The following ZFYVE28 variants were observed in gnomAD, a reference collection of about 807,000 sequenced individuals.
ZFYVE28 encodes the protein lateral signaling target protein 2 homolog.
A neutral mutation model predicts 82.1 loss-of-function variants in ZFYVE28; 40 were observed. The observed-to-expected ratio is 0.49, with a 90% CI of 0.38 to 0.63. The LOEUF (loss-of-function observed/expected upper bound fraction) is 0.63. ZFYVE28 is among the 30% of genes least tolerant of loss of function. The probability of loss-of-function intolerance (pLI) is 0.00; values close to 1 mark genes in which losing one functional copy is unlikely to be tolerated. For synonymous variants in ZFYVE28, 612 were observed against 546.1 expected (o/e 1.12, Z -1.68); for missense variants, 1,321 against 1,242.1 (o/e 1.06, Z -0.96).
At position 2,361,547 on chromosome 4, in the gene ZFYVE28, C is replaced by T. The variant is rs534144940; in HGVS notation, c.40-7474G>A. On this transcript the variant is annotated intron_variant, in intron 1 of 12. Coordinates refer to ENST00000290974, the MANE Select transcript of ZFYVE28 (RefSeq NM_020972.3). ...GCACTACCCCACCCACTGGGGCAGG[C>T]CCCAGCCACCTTGAGGCCCAGGAGG... Among the ~76,000 whole-genome samples the T allele has an allele frequency of 3.3e-5, 5 of 152,340 alleles. No individual in the cohort carries two copies. The East Asian group carries it at 9.7e-4, about 29-fold the overall frequency.
Position 2,372,170 on chromosome 4 carries a change from C to A in ZFYVE28, c.40-18097G>T, listed in dbSNP as rs1281975504. Among the ~76,000 whole-genome samples, 1 of 152,102 alleles carries A rather than the reference C, an allele frequency of 6.6e-6. No individual in the cohort carries two copies. Among genetic ancestry groups the A allele is most frequent in the Non-Finnish European group, 1.5e-5 (1 of 68,018 alleles). On this transcript the variant is annotated intron_variant, in intron 1 of 12. Coordinates refer to ENST00000290974, the MANE Select transcript of ZFYVE28 (RefSeq NM_020972.3). This position sits in a 1 kb window ranked among gnomAD's most constrained non-coding sequence, Gnocchi z 5.2. ...AGGGCAAATGTTTTGTTTGCTGTTA[C>A]CTATTCCCGTGACCAACAGGACCCA... is the stretch of plus-strand genomic sequence containing the variant.
At chr4:2,308,681 A>G (rs928222914) in intron 7 of ZFYVE28, among the ~76,000 whole-genome samples, 424 of 59,800 alleles carry the variant, frequency 7.1e-3, no homozygotes, top group African/African-American at 0.028. Flanking sequence ...AAGAAAGAGA[A>G]AGAAAGAAAA....
intron 8 of ZFYVE28, among the ~76,000 whole-genome samples, chr4:2,299,509 C>T (rs902178454): frequency 4.8e-5 from 7 of 146,228 alleles, no homozygotes; most frequent in Non-Finnish European, 1.0e-4. Context: ...ATCTCAGCAC[C>T]TTGGGAGGCT....
Position 2,362,361 on chromosome 4 carries a change from GAC to G in ZFYVE28, c.40-8290_40-8289del, listed in dbSNP as rs1726278759. On this transcript the variant is annotated intron_variant, in intron 1 of 12. Transcript: ENST00000290974. The surrounding 1 kb of genome is among the most constrained non-coding windows in gnomAD (Gnocchi z 5.1). ...AAGCCAGGGAAGAGCCTCTGCCTGG[GAC>G]ACACAAATGCGGCCCCACAGCTGTG... Among the ~76,000 whole-genome samples, 1 of 152,064 alleles carries G rather than the reference GAC, an allele frequency of 6.6e-6. No individual in the cohort carries two copies. Among genetic ancestry groups the G allele is most frequent in the African/African-American group, 2.4e-5 (1 of 41,386 alleles).
At chr4:2,364,175 G>C (rs1258326779) in intron 1 of ZFYVE28, among the ~76,000 whole-genome samples, 2 of 152,204 alleles carry the variant, frequency 1.3e-5, no homozygotes, top group Admixed American at 1.3e-4. Flanking sequence ...ACGCCAGCTG[G>C]GAAGGTGTTG....
rs1722473607 is a variant in ZFYVE28 at position 2,339,771 on chromosome 4, A to C, written c.319-116T>G. Reference sequence around the variant, plus strand: ...GGCCCCTCTTCTCACCCCACAGCACAGGCCAGCTCGTGTTCCCGGTCCCCG... The same window carrying C: ...GGCCCCTCTTCTCACCCCACAGCACCGGCCAGCTCGTGTTCCCGGTCCCCG... On this transcript the variant is annotated intron_variant, in intron 3 of 12. Coordinates refer to ENST00000290974, the MANE Select transcript of ZFYVE28 (RefSeq NM_020972.3). The surrounding 1 kb of genome is among the most constrained non-coding windows in gnomAD (Gnocchi z 5.0). 1.1e-6 allele frequency: 1 copy of C among 891,968 alleles called. No individual in the cohort carries two copies. Among genetic ancestry groups the C allele is most frequent in the Non-Finnish European group, 1.7e-6 (1 of 601,200 alleles). 55.3% of individuals were successfully genotyped at this position (891,968 alleles called of 1,614,324 possible).
At chr4:2,349,873 T>C (rs1003485086) in intron 2 of ZFYVE28, among the ~76,000 whole-genome samples, 1 of 152,192 alleles carries the variant, frequency 6.6e-6, no homozygotes, top group Non-Finnish European at 1.5e-5. Context: ...GCAACTGCCT[T>C]GGCCTGACAA....
intron 6 of ZFYVE28, among the ~76,000 whole-genome samples, chr4:2,325,284 G>A (rs1719693107): frequency 6.6e-6 from 1 of 152,174 alleles, no homozygotes; most frequent in Non-Finnish European, 1.5e-5. Context: ...AAATGACCAA[G>A]CCCTATGTGA....
chr4:2,331,054 G>C, intron 6 of ZFYVE28: 1 of 1,389,564 alleles, frequency 7.2e-7, no homozygotes, highest in Non-Finnish European at 9.5e-7. Context: ...GGGGGCTGGG[G>C]AGGAAGGCAG....
Position 2,320,326 on chromosome 4 carries a change from G to A in ZFYVE28, c.702-55C>T, listed in dbSNP as rs542078837. ...CAGGCCCTGTGGCCCCCTGGGTGCC[G>A]CGGACGGCCCAACTTAACCACCTGC... On this transcript the variant is annotated intron_variant, in intron 6 of 12. Coordinates refer to ENST00000290974, the MANE Select transcript of ZFYVE28 (RefSeq NM_020972.3). This position sits in a 1 kb window ranked among gnomAD's most constrained non-coding sequence, Gnocchi z 5.1. The A allele has an allele frequency of 4.7e-5, 73 of 1,538,268 alleles. No individual in the cohort carries two copies. Among genetic ancestry groups the A allele is most frequent in the Middle Eastern group, 3.4e-4 (2 of 5,912 alleles).
chr4:2,337,878 A>ACAC (rs1049886240), intron 4 of ZFYVE28, among the ~76,000 whole-genome samples: 1 of 66,858 alleles, frequency 1.5e-5, no homozygotes, highest in African/African-American at 1.2e-4. Flanking sequence ...CTCTTAAAAT[A>ACAC]CACACACACA....
At chr4:2,389,834 T>C (rs556068985) in intron 1 of ZFYVE28, among the ~76,000 whole-genome samples, 55 of 152,254 alleles carry the variant, frequency 3.6e-4, no homozygotes, top group African/African-American at 1.3e-3. Context: ...CCCTACCTAC[T>C]CTCAGCAGGA....
chr4:2,401,810 C>A (rs1010350874), intron 1 of ZFYVE28, among the ~76,000 whole-genome samples: 4 of 152,334 alleles, frequency 2.6e-5, no homozygotes, highest in African/African-American at 9.6e-5. Context: ...AGCAGCAAAA[C>A]CCTCGGGGGT....
rs541629327 is a variant in ZFYVE28, at chr4:2,341,166, T to C, written c.318+312A>G. The C allele has an allele frequency of 2.6e-5, 11 of 417,890 alleles. No homozygotes were observed. The East Asian group carries it at 5.3e-4, about 20-fold the overall frequency. 25.9% of individuals were successfully genotyped at this position (417,890 alleles called of 1,614,324 possible). On this transcript the variant is annotated intron_variant, in intron 3 of 12. Transcript: ENST00000290974. The surrounding 1 kb of genome is among the most constrained non-coding windows in gnomAD (Gnocchi z 4.5). The stretch of plus-strand genomic sequence containing the variant: ...GCCGGAGGGGAACACTTGTTCCTGA[T>C]GTGGGCATTACTGCCATTAAAAACC...
intron 1 of ZFYVE28, among the ~76,000 whole-genome samples, chr4:2,413,070 G>A (rs1032916036): frequency 1.3e-5 from 2 of 152,188 alleles, no homozygotes; most frequent in African/African-American, 4.8e-5. Flanking sequence ...TGACAGAGTC[G>A]GCGCAGGGAG....
chr4:2,373,176 C>T (rs1006166223), intron 1 of ZFYVE28, among the ~76,000 whole-genome samples: 1 of 152,176 alleles, frequency 6.6e-6, no homozygotes, highest in African/African-American at 2.4e-5. Context: ...CTGTGAAATA[C>T]AAAATGACTT....
intron 1 of ZFYVE28, among the ~76,000 whole-genome samples, chr4:2,368,934 T>C (rs1461637644): frequency 1.3e-5 from 2 of 152,332 alleles, no homozygotes; most frequent in Admixed American, 1.3e-4. Context: ...AGAGCAGCAG[T>C]TGGTGTGGCA....
chr4:2,327,820 A>G (rs942354360), intron 6 of ZFYVE28, among the ~76,000 whole-genome samples: 1 of 152,272 alleles, frequency 6.6e-6, no homozygotes, highest in Admixed American at 6.5e-5. Flanking sequence ...GACCAACATC[A>G]CTAGTCATTA....
At chr4:2,293,699 G>A (rs1436351197) in intron 8 of ZFYVE28, among the ~76,000 whole-genome samples, 1 of 138,858 alleles carries the variant, frequency 7.2e-6, no homozygotes, top group Non-Finnish European at 1.5e-5. Context: ...CTTGCAGTGA[G>A]CCGAGATCAC....
Sources: gnomAD v4.1 joint callset for allele counts (sites outside exome capture counted in the v4.1 genomes callset) on GRCh38, gnomAD v4.1.1 for gene constraint, Gnocchi (gnomAD v3.1) non-coding constraint, MANE v1.5 for transcripts, NCBI Gene and HGNC (gene_info 2026-07-23, HGNC 2026-07-21) for gene names.